Variants in VGLL3 observed in about 807,000 individuals in gnomAD.
VGLL3 encodes transcription cofactor vestigial-like protein 3.
Under a neutral mutation model 29.2 loss-of-function variants are expected in VGLL3, and 18 were observed. That is an observed-to-expected ratio of 0.62 (90% confidence interval 0.43 to 0.91). VGLL3 has a LOEUF of 0.91. Ranked by LOEUF, VGLL3 falls within the 40% of genes least tolerant of loss-of-function variation. The pLI is 0.00. For synonymous variants in VGLL3, 180 were observed against 151.8 expected (o/e 1.19, Z -1.36); for missense variants, 440 against 413.2 (o/e 1.06, Z -0.56).
At chr3:86,967,604 C>T (rs1316796500) in intron 3 of VGLL3, among the ~76,000 whole-genome samples, 1 of 152,162 alleles carries the variant, frequency 6.6e-6, no homozygotes, top group Non-Finnish European at 1.5e-5. Flanking sequence ...AAGGGTTCTC[C>T]ACACTACAGA....
In VGLL3 at chr3:86,945,553, A is replaced by T. The variant is rs1447652659; in HGVS notation, c.*1471T>A. The T allele has an allele frequency of 2.0e-5, 3 of 152,180 alleles. No homozygotes were observed. The highest frequency in any genetic ancestry group is 7.2e-5 in the African/African-American group (3 of 41,468). The allele number at this position is 152,180 out of a possible 1,614,324, so 9.4% of individuals were successfully genotyped here. A position where few individuals can be genotyped will look rare whatever the true frequency, so the allele number is the denominator to read the frequency against. ...AACTTTGCCTTTGAAGTCCAGCAGT[A>T]TCAATAACTGTTACTTTCATAATCT... On this transcript the variant is annotated 3_prime_UTR_variant, in exon 4 of 4. Coordinates refer to ENST00000398399, the MANE Select transcript of VGLL3 (RefSeq NM_016206.4).
intron 2 of VGLL3, among the ~76,000 whole-genome samples, chr3:86,974,121 ATTTT>A (rs1169287620): frequency 1.4e-5 from 2 of 140,672 alleles, no homozygotes; most frequent in African/African-American, 2.6e-5. Flanking sequence ...TAGGTTTGTT[ATTTT>A]TTTTTTTTTT....
rs1704481381 is a variant in VGLL3, at chr3:86,945,220, T to G, written c.*1804A>C. On this transcript the variant is annotated 3_prime_UTR_variant, in exon 4 of 4. Coordinates refer to ENST00000398399, the MANE Select transcript of VGLL3 (RefSeq NM_016206.4). ...GGAGTGATGAGAGTACAAAAGAGTA[T>G]ATAGATCTGAAGCTCAAAAGACGGA... is the stretch of plus-strand genomic sequence containing the variant. The G allele has an allele frequency of 6.6e-6, 1 of 152,052 alleles. No individual in the cohort carries two copies. The highest frequency in any genetic ancestry group is 1.5e-5 in the Non-Finnish European group (1 of 68,006). The allele number at this position is 152,052 out of a possible 1,614,324, so 9.4% of individuals were successfully genotyped here.
intron 3 of VGLL3, among the ~76,000 whole-genome samples, chr3:86,954,278 C>T (rs999587944): frequency 6.6e-6 from 1 of 152,178 alleles, no homozygotes; most frequent in African/African-American, 2.4e-5. Context: ...AGAAGTACAG[C>T]ACCTGCTCAC....
intron 3 of VGLL3, among the ~76,000 whole-genome samples, chr3:86,963,245 C>T (rs934936290): frequency 1.3e-5 from 2 of 152,158 alleles, no homozygotes; most frequent in Admixed American, 6.5e-5. Flanking sequence ...CCAATGAAAT[C>T]GTACCTAGCC....
chr3:86,949,468 G>T (rs1309108273), intron 3 of VGLL3, among the ~76,000 whole-genome samples: 3 of 151,896 alleles, frequency 2.0e-5, no homozygotes, highest in African/African-American at 7.3e-5. Context: ...CTCAAAATAG[G>T]CATATGTAAA....
chr3:86,942,811 G>T lies in VGLL3; in HGVS notation c.*4213C>A, dbSNP rs1216176793. On this transcript the variant is annotated 3_prime_UTR_variant, in exon 4 of 4. Coordinates refer to ENST00000398399, the MANE Select transcript of VGLL3 (RefSeq NM_016206.4). ...GAAGGAACAGTTAGTAGGAGAAAAA[G>T]ATTCTCTTTGCAGTAATTTCTTACA... The T allele has an allele frequency of 6.6e-6, 1 of 152,144 alleles. No homozygotes were observed. Among genetic ancestry groups the T allele is most frequent in the Non-Finnish European group, 1.5e-5 (1 of 68,012 alleles). The allele number at this position is 152,144 out of a possible 1,614,324, so 9.4% of individuals were successfully genotyped here.
intron 2 of VGLL3, among the ~76,000 whole-genome samples, chr3:86,977,533 G>A (rs935134183): frequency 6.6e-6 from 1 of 152,142 alleles, no homozygotes; most frequent in African/African-American, 2.4e-5. Context: ...TCGAGATAAG[G>A]GGGTCCTGCA....
intron 1 of VGLL3, among the ~76,000 whole-genome samples, chr3:86,980,580 G>A (rs1705304464): frequency 1.3e-5 from 2 of 152,014 alleles, no homozygotes; most frequent in South Asian, 2.1e-4. Flanking sequence ...ATTTGAACAT[G>A]TTTATATTTA....
chr3:86,976,229 C>A (rs1005382659), intron 2 of VGLL3, among the ~76,000 whole-genome samples: 11 of 152,340 alleles, frequency 7.2e-5, no homozygotes, highest in Middle Eastern at 3.4e-3. Context: ...ATCTTCAGGG[C>A]CTTTGCACTA....
intron 1 of VGLL3, chr3:86,990,314 G>A: frequency 2.0e-6 from 2 of 985,336 alleles, no homozygotes; most frequent in Non-Finnish European, 2.4e-6. Context: ...TCCTAAGATA[G>A]ATGCCCTTGG....
At position 86,986,044 on chromosome 3, in the gene VGLL3, T is replaced by C. The variant is rs143129639; in HGVS notation, c.126+4574A>G. On this transcript the variant is annotated intron_variant, in intron 1 of 3. Coordinates refer to ENST00000398399, the MANE Select transcript of VGLL3 (RefSeq NM_016206.4). ...ATATATATATATACACACACACACG[T>C]ATACACACACACACATATATACACA... is the stretch of plus-strand genomic sequence containing the variant. Among the ~76,000 whole-genome samples the C allele has an allele frequency of 1.0e-3, 103 of 100,516 alleles. 1 individual carries two copies. In the East Asian group the frequency reaches 0.024, roughly 24 times the overall value. The allele number at this position is 100,516 out of a possible 152,430, so 65.9% of individuals were successfully genotyped here.
chr3:86,958,106 C>G (rs1704761374), intron 3 of VGLL3, among the ~76,000 whole-genome samples: 1 of 152,236 alleles, frequency 6.6e-6, no homozygotes, highest in South Asian at 2.1e-4. Context: ...TCAGCAATAC[C>G]ATATGGAACA....
intron 1 of VGLL3, among the ~76,000 whole-genome samples, chr3:86,986,056 C>A (rs1040702405): frequency 6.5e-5 from 6 of 92,944 alleles, no homozygotes; most frequent in Non-Finnish European, 1.8e-4. Flanking sequence ...TACACACACA[C>A]ACATATATAC....
intron 1 of VGLL3, chr3:86,990,297 C>G (rs904959505): frequency 2.0e-5 from 20 of 985,134 alleles, no homozygotes; most frequent in Non-Finnish European, 2.3e-5. Context: ...GAAGTTTACT[C>G]ACATGGTCCT....
chr3:86,966,796 T>C (rs1214455609), intron 3 of VGLL3, among the ~76,000 whole-genome samples: 1 of 108,062 alleles, frequency 9.3e-6, no homozygotes, highest in Non-Finnish European at 1.9e-5. Flanking sequence ...TATATATATA[T>C]ATATATATAT....
chr3:86,990,782 C>T lies in VGLL3; in HGVS notation c.-39G>A. ...GTGGCGGCCCCCGAGCTGCCGCCGC[C>T]GCTCTACGCGCTGGCGCGAGGGGCG... On this transcript the variant is annotated 5_prime_UTR_variant, in exon 1 of 4. Coordinates refer to ENST00000398399, the MANE Select transcript of VGLL3 (RefSeq NM_016206.4). 7.9e-7 allele frequency: 1 copy of T among 1,269,056 alleles called. No individual in the cohort carries two copies. Among genetic ancestry groups the T allele is most frequent in the Admixed American group, 4.2e-5 (1 of 24,010 alleles). 78.6% of individuals were successfully genotyped at this position (1,269,056 alleles called of 1,614,324 possible).
chr3:86,988,960 T>C (rs1252731688), intron 1 of VGLL3, among the ~76,000 whole-genome samples: 1 of 152,096 alleles, frequency 6.6e-6, no homozygotes, highest in Non-Finnish European at 1.5e-5. Flanking sequence ...AGAAATGAAT[T>C]TGGGGACCGA....
chr3:86,966,284 CCA>C (rs1704958179), intron 3 of VGLL3, among the ~76,000 whole-genome samples: 1 of 152,054 alleles, frequency 6.6e-6, no homozygotes, highest in Non-Finnish European at 1.5e-5. Flanking sequence ...TAGATTTTCC[CCA>C]GAACTGCATG....
Sources: gnomAD v4.1 joint callset for allele counts (sites outside exome capture counted in the v4.1 genomes callset) on GRCh38, gnomAD v4.1.1 for gene constraint, MANE v1.5 for transcripts, NCBI Gene and HGNC (gene_info 2026-07-23, HGNC 2026-07-21) for gene names.